The following OR5L1 variants were observed in gnomAD, a reference collection of about 807,000 sequenced individuals.
The protein encoded by OR5L1 is olfactory receptor 5L1.
For synonymous variants in OR5L1, 197 were observed against 146.6 expected, an observed-to-expected ratio of 1.34 and a Z score of -2.49; for missense variants, 398 against 365.8, an observed-to-expected ratio of 1.09 and a Z score of -0.72.
In OR5L1 at chr11:55,812,459, G is replaced by A. The variant is rs990779268; in HGVS notation, c.*57G>A. 2.3e-5 allele frequency: 29 copies of A among 1,238,548 alleles called. No homozygotes were observed. Among genetic ancestry groups the A allele is most frequent in the East Asian group, 1.7e-4 (7 of 41,942 alleles). The allele number at this position is 1,238,548 out of a possible 1,614,324, so 76.7% of individuals were successfully genotyped here. On this transcript the variant is annotated 3_prime_UTR_variant, in exon 1 of 1. Transcript: ENST00000625203. ...CAAGTAGTGGCAGGCGGGGGTTCACGGGAGAGGCACAGTGTTGGAGTACAG... is the reference window on the plus strand; with the variant it reads ...CAAGTAGTGGCAGGCGGGGGTTCACAGGAGAGGCACAGTGTTGGAGTACAG...
At position 55,812,198 on chromosome 11, in the gene OR5L1, C is replaced by A. The variant is rs145975508; in HGVS notation, c.732C>A (p.His244Gln). The A allele has an allele frequency of 4.8e-5, 77 of 1,613,888 alleles. No homozygotes were observed. Among genetic ancestry groups the A allele is most frequent in the Middle Eastern group, 1.6e-4 (1 of 6,084 alleles). Residue 244 changes from histidine to glutamine, a missense_variant, in exon 1 of 1, where the codon CAC becomes CAA. By Grantham distance (24) the His-to-Gln change is conservative (BLOSUM62 0). Coordinates refer to ENST00000625203, the MANE Select transcript of OR5L1 (RefSeq NM_001004738.2). ...RHKAFSTCAS[H>Q]LTAITVFHGT... ...AAGCCTTCTCCACCTGTGCTTCCCA[C>A]CTCACAGCTATCACTGTCTTCCATG...
Position 55,812,340 on chromosome 11 carries a change from C to T in OR5L1, c.874C>T (p.Leu292=), listed in dbSNP as rs1430235094. The change falls in exon 1 of 1, where the codon CTG becomes TTG. Residue 292 remains leucine, a synonymous_variant. Transcript: ENST00000625203. The part of the protein sequence containing the change: ...IPMLNSVIYS[L]RNKDVKEALR... ...TATGCTGAACTCTGTGATCTACAGCCTGAGAAATAAAGATGTGAAAGAAGC... is the reference window on the plus strand; with the variant it reads ...TATGCTGAACTCTGTGATCTACAGCTTGAGAAATAAAGATGTGAAAGAAGC... 3 of 1,613,716 alleles carry T rather than the reference C, an allele frequency of 1.9e-6. No homozygotes were observed.
chr11:55,811,575 G>T lies in OR5L1; in HGVS notation c.109G>T (p.Val37Phe). The change falls in exon 1 of 1, where the codon GTC (valine) becomes TTC (phenylalanine). Residue 37 changes from valine to phenylalanine, a missense_variant. By Grantham distance (50) the Val-to-Phe change is conservative (BLOSUM62 -1). Transcript: ENST00000625203. ...LFLLFLLIYG[V>F]TLLANLGMIA... is the part of the protein sequence containing the mutation. The stretch of plus-strand genomic sequence containing the variant: ...CCTGCTGTTCCTTCTCATCTATGGA[G>T]TCACGTTGTTAGCCAACCTGGGCAT... 6.2e-7 allele frequency: 1 copy of T among 1,613,944 alleles called. No homozygotes were observed. Among genetic ancestry groups the T allele is most frequent in the Non-Finnish European group, 8.5e-7 (1 of 1,180,024 alleles).
Position 55,811,599 on chromosome 11 carries a change from A to G in OR5L1, c.133A>G (p.Met45Val). The change falls in exon 1 of 1, where the codon ATG becomes GTG. Residue 45 changes from methionine to valine, a missense_variant. Met to Val is a conservative substitution (Grantham distance 21, BLOSUM62 1). Coordinates refer to ENST00000625203, the MANE Select transcript of OR5L1 (RefSeq NM_001004738.2). ...AGTCACGTTGTTAGCCAACCTGGGC[A>G]TGATTGCACTGATTCAGGTCAGCTC... ...YGVTLLANLG[M>V]IALIQVSSRL... 1.2e-5 allele frequency: 19 copies of G among 1,613,972 alleles called. No homozygotes were observed. The highest frequency in any genetic ancestry group is 1.6e-5 in the Non-Finnish European group (19 of 1,180,010).
At position 55,811,782 on chromosome 11, in the gene OR5L1, A is replaced by G; in HGVS notation, c.316A>G (p.Thr106Ala). 6.2e-7 allele frequency: 1 copy of G among 1,613,974 alleles called. No individual in the cohort carries two copies. The highest frequency in any genetic ancestry group is 8.5e-7 in the Non-Finnish European group (1 of 1,180,016). ...GCMVQFYLFC[T>A]CVVTEVFLLA... is the part of the protein sequence containing the mutation. The stretch of plus-strand genomic sequence containing the variant: ...CATGGTGCAATTCTACTTGTTTTGC[A>G]CTTGTGTGGTCACTGAGGTCTTCCT... Residue 106 changes from threonine to alanine, a missense_variant, in exon 1 of 1, where the codon ACT becomes GCT. Coordinates refer to ENST00000625203, the MANE Select transcript of OR5L1 (RefSeq NM_001004738.2).
At position 55,811,368 on chromosome 11, in the gene OR5L1, G is replaced by T. The variant is rs1346129563; in HGVS notation, c.-99G>T. On this transcript the variant is annotated 5_prime_UTR_variant, in exon 1 of 1. Coordinates refer to ENST00000625203, the MANE Select transcript of OR5L1 (RefSeq NM_001004738.2). ...AAGATAAACTATCCTACTTTTTCTGGTGTCTTTTTACAGGATACAGCCAAA... is the reference window on the plus strand; with the variant it reads ...AAGATAAACTATCCTACTTTTTCTGTTGTCTTTTTACAGGATACAGCCAAA... The T allele has an allele frequency of 4.0e-6, 5 of 1,250,402 alleles. No homozygotes were observed. In the African/African-American group the frequency reaches 4.6e-5, roughly 11 times the overall value. 77.5% of individuals were successfully genotyped at this position (1,250,402 alleles called of 1,614,324 possible).
At position 55,811,769 on chromosome 11, in the gene OR5L1, C is replaced by T. The variant is rs767717478; in HGVS notation, c.303C>T (p.Phe101=). The change falls in exon 1 of 1, where the codon TTC becomes TTT. Residue 101 remains phenylalanine, a synonymous_variant. Transcript: ENST00000625203. The part of the protein sequence containing the change: ...AISFLGCMVQ[F]YLFCTCVVTE... ...CCTTCCTAGGGTGCATGGTGCAATTCTACTTGTTTTGCACTTGTGTGGTCA... is the reference window on the plus strand; with the variant it reads ...CCTTCCTAGGGTGCATGGTGCAATTTTACTTGTTTTGCACTTGTGTGGTCA... 13 of 1,614,048 alleles carry T rather than the reference C, an allele frequency of 8.1e-6. No homozygotes were observed. The highest frequency in any genetic ancestry group is 1.0e-5 in the Non-Finnish European group (12 of 1,180,030).
chr11:55,811,593 C>A lies in OR5L1; in HGVS notation c.127C>A (p.Leu43Met). The change falls in exon 1 of 1, where the codon CTG (leucine) becomes ATG (methionine). Residue 43 changes from leucine to methionine, a missense_variant. Physicochemically the swap from Leu to Met is conservative, Grantham distance 15. Transcript: ENST00000625203. ...LIYGVTLLANLGMIALIQVSS... is the reference protein window; with the variant it reads ...LIYGVTLLANMGMIALIQVSS... ...CTATGGAGTCACGTTGTTAGCCAAC[C>A]TGGGCATGATTGCACTGATTCAGGT... is the stretch of plus-strand genomic sequence containing the variant. 4 of 1,613,978 alleles carry A rather than the reference C, an allele frequency of 2.5e-6. No homozygotes were observed. The highest frequency in any genetic ancestry group is 3.4e-6 in the Non-Finnish European group (4 of 1,180,022).
At position 55,811,904 on chromosome 11, in the gene OR5L1, T is replaced by A; in HGVS notation, c.438T>A (p.Ser146=). The change falls in exon 1 of 1, where the codon TCT becomes TCA. Residue 146 remains serine, a synonymous_variant. Transcript: ENST00000625203. ...GGAAGGTGCGTGTGGAGCTGGCTTCTTGCTGCTACTTCTGTGGGACGGTGT... is the reference window on the plus strand; with the variant it reads ...GGAAGGTGCGTGTGGAGCTGGCTTCATGCTGCTACTTCTGTGGGACGGTGT... ...MSWKVRVELA[S]CCYFCGTVCS... 3 of 1,614,036 alleles carry A rather than the reference T, an allele frequency of 1.9e-6. No homozygotes were observed. Among genetic ancestry groups the A allele is most frequent in the Non-Finnish European group, 2.5e-6 (3 of 1,180,034 alleles).
chr11:55,811,888 G>C lies in OR5L1; in HGVS notation c.422G>C (p.Arg141Pro), dbSNP rs138368201. The change falls in exon 1 of 1, where the codon CGT (arginine) becomes CCT (proline). Residue 141 changes from arginine (R) to proline (P), a missense_variant. Coordinates refer to ENST00000625203, the MANE Select transcript of OR5L1 (RefSeq NM_001004738.2). ...LYTVTMSWKV[R>P]VELASCCYFC... is the part of the protein sequence containing the mutation. ...ACAGTCACCATGTCTTGGAAGGTGC[G>C]TGTGGAGCTGGCTTCTTGCTGCTAC... 6.2e-7 allele frequency: 1 copy of C among 1,613,944 alleles called. No homozygotes were observed. The highest frequency in any genetic ancestry group is 1.1e-5 in the South Asian group (1 of 91,080).
In OR5L1 at chr11:55,812,121, C is replaced by T. The variant is rs748230944; in HGVS notation, c.655C>T (p.Leu219=). 6.2e-7 allele frequency: 1 copy of T among 1,613,998 alleles called. No homozygotes were observed. The highest frequency in any genetic ancestry group is 1.1e-5 in the South Asian group (1 of 91,082). The change falls in exon 1 of 1, where the codon CTG becomes TTG. Residue 219 remains leucine, a synonymous_variant. Coordinates refer to ENST00000625203, the MANE Select transcript of OR5L1 (RefSeq NM_001004738.2). ...VTIMIILTSY[L]LILTTILKMG... ...CATCATGATCATCCTCACCTCCTAC[C>T]TGCTAATTCTCACCACCATCCTGAA...
In OR5L1 at chr11:55,811,831, G is replaced by C. The variant is rs112907233; in HGVS notation, c.365G>C (p.Arg122Pro). The change falls in exon 1 of 1, where the codon CGC becomes CCC. Residue 122 changes from arginine to proline, a missense_variant. Coordinates refer to ENST00000625203, the MANE Select transcript of OR5L1 (RefSeq NM_001004738.2). ...VFLLAVMAYD[R>P]FVAICNPLLY... The stretch of plus-strand genomic sequence containing the variant: ...CTGCTGGCCGTGATGGCCTATGACC[G>C]CTTTGTGGCCATCTGTAACCCTTTG... The C allele has an allele frequency of 6.2e-7, 1 of 1,613,834 alleles. No homozygotes were observed. Among genetic ancestry groups the C allele is most frequent in the Non-Finnish European group, 8.5e-7 (1 of 1,180,032 alleles).
In OR5L1 at chr11:55,811,599, A is replaced by T; in HGVS notation, c.133A>T (p.Met45Leu). The change falls in exon 1 of 1, where the codon ATG becomes TTG. Residue 45 changes from methionine to leucine, a missense_variant. By Grantham distance (15) the Met-to-Leu change is conservative. Transcript: ENST00000625203. Reference sequence around the variant, plus strand: ...AGTCACGTTGTTAGCCAACCTGGGCATGATTGCACTGATTCAGGTCAGCTC... The same window carrying T: ...AGTCACGTTGTTAGCCAACCTGGGCTTGATTGCACTGATTCAGGTCAGCTC... Reference protein sequence around the residue: ...YGVTLLANLGMIALIQVSSRL... With the variant: ...YGVTLLANLGLIALIQVSSRL... 1 of 1,613,972 alleles carries T rather than the reference A, an allele frequency of 6.2e-7. No homozygotes were observed. Among genetic ancestry groups the T allele is most frequent in the Non-Finnish European group, 8.5e-7 (1 of 1,180,010 alleles).
Position 55,811,860 on chromosome 11 carries a change from TAC to T in OR5L1, c.398_399del (p.Thr133SerfsTer32), listed in dbSNP as rs1287994150. 1 of 1,613,932 alleles carries T rather than the reference TAC, an allele frequency of 6.2e-7. No individual in the cohort carries two copies. The highest frequency in any genetic ancestry group is 8.5e-7 in the Non-Finnish European group (1 of 1,180,028). ...TGTGGCCATCTGTAACCCTTTGCTA[TAC>T]ACAGTCACCATGTCTTGGAAGGTGC... is the stretch of plus-strand genomic sequence containing the variant. The part of the protein sequence containing the change: ...RFVAICNPLL[Y>X]TVTMSWKVRV... On this transcript the variant is annotated frameshift_variant, in exon 1 of 1. Coordinates refer to ENST00000625203, the MANE Select transcript of OR5L1 (RefSeq NM_001004738.2). LOFTEE classifies it low-confidence loss of function (END_TRUNC).
chr11:55,812,361 G>A lies in OR5L1; in HGVS notation c.895G>A (p.Glu299Lys), dbSNP rs769647526. The change falls in exon 1 of 1, where the codon GAA (glutamate) becomes AAA (lysine). Residue 299 changes from glutamate to lysine, a missense_variant. Glu to Lys is a moderately conservative substitution (Grantham distance 56). Transcript: ENST00000625203. ...IYSLRNKDVK[E>K]ALRKVMGSKI... ...CAGCCTGAGAAATAAAGATGTGAAA[G>A]AAGCTCTCAGAAAAGTGATGGGCTC... is the stretch of plus-strand genomic sequence containing the variant. 3.1e-6 allele frequency: 5 copies of A among 1,612,162 alleles called. No homozygotes were observed. In the African/African-American group the frequency reaches 5.4e-5, roughly 17 times the overall value.
At position 55,811,390 on chromosome 11, in the gene OR5L1, C is replaced by T. The variant is rs1282933870; in HGVS notation, c.-77C>T. On this transcript the variant is annotated 5_prime_UTR_variant, in exon 1 of 1. Coordinates refer to ENST00000625203, the MANE Select transcript of OR5L1 (RefSeq NM_001004738.2). Reference sequence around the variant, plus strand: ...CTGGTGTCTTTTTACAGGATACAGCCAAAACTAAAATTTAGACTATATAAT... The same window carrying T: ...CTGGTGTCTTTTTACAGGATACAGCTAAAACTAAAATTTAGACTATATAAT... 1 of 1,471,356 alleles carries T rather than the reference C, an allele frequency of 6.8e-7. No individual in the cohort carries two copies. Among genetic ancestry groups the T allele is most frequent in the African/African-American group, 1.4e-5 (1 of 70,434 alleles). 91.1% of individuals were successfully genotyped at this position (1,471,356 alleles called of 1,614,324 possible).
In OR5L1 at chr11:55,812,144, G is replaced by T. The variant is rs775465571; in HGVS notation, c.678G>T (p.Leu226=). Reference sequence around the variant, plus strand: ...ACCTGCTAATTCTCACCACCATCCTGAAGATGGGCTCTGCAGAGGGCAGGC... The same window carrying T: ...ACCTGCTAATTCTCACCACCATCCTTAAGATGGGCTCTGCAGAGGGCAGGC... ...TSYLLILTTI[L]KMGSAEGRHK... The change falls in exon 1 of 1, where the codon CTG becomes CTT. Residue 226 remains leucine, a synonymous_variant. Transcript: ENST00000625203. 1.2e-6 allele frequency: 2 copies of T among 1,613,938 alleles called. No homozygotes were observed. The highest frequency in any genetic ancestry group is 3.3e-5 in the Admixed American group (2 of 59,994).
In OR5L1 at chr11:55,812,393, T is replaced by A; in HGVS notation, c.927T>A (p.Ile309=). 6.2e-7 allele frequency: 1 copy of A among 1,602,030 alleles called. No homozygotes were observed. Among genetic ancestry groups the A allele is most frequent in the East Asian group, 2.2e-5 (1 of 44,852 alleles). Residue 309 remains isoleucine, a synonymous_variant, in exon 1 of 1, where the codon ATT becomes ATA. Coordinates refer to ENST00000625203, the MANE Select transcript of OR5L1 (RefSeq NM_001004738.2). ...EALRKVMGSK[I]HS Reference sequence around the variant, plus strand: ...TCAGAAAAGTGATGGGCTCCAAAATTCACTCCTAGGGAAGATTTTATTAGC... The same window carrying A: ...TCAGAAAAGTGATGGGCTCCAAAATACACTCCTAGGGAAGATTTTATTAGC...
At position 55,812,387 on chromosome 11, in the gene OR5L1, C is replaced by A. The variant is rs559759119; in HGVS notation, c.921C>A (p.Ser307=). 4 of 1,605,424 alleles carry A rather than the reference C, an allele frequency of 2.5e-6. 1 individual carries two copies. The South Asian group carries it at 3.4e-5, about 14-fold the overall frequency. ...VKEALRKVMG[S]KIHS ...AAGCTCTCAGAAAAGTGATGGGCTC[C>A]AAAATTCACTCCTAGGGAAGATTTT... is the stretch of plus-strand genomic sequence containing the variant. The change falls in exon 1 of 1, where the codon TCC becomes TCA. Residue 307 remains serine, a synonymous_variant. Coordinates refer to ENST00000625203, the MANE Select transcript of OR5L1 (RefSeq NM_001004738.2).
Sources: allele counts gnomAD v4.1 joint callset, GRCh38; gene constraint gnomAD v4.1.1; transcripts MANE v1.5; gene names NCBI Gene and HGNC (gene_info 2026-07-23, HGNC 2026-07-21).